CD6: variants seen among roughly 807,000 people sequenced by gnomAD.
CD6 encodes T-cell differentiation antigen CD6.
In CD6, 53 loss-of-function variants were observed where a neutral mutation model predicts 75.3. That is an observed-to-expected ratio of 0.70 (90% CI 0.56 to 0.88). The LOEUF (loss-of-function observed/expected upper bound fraction) is 0.88. Ranked by LOEUF, CD6 falls within the 40% of genes least tolerant of loss-of-function variation. The pLI is 0.00. For synonymous variants in CD6, 359 were observed against 381.5 expected, an observed-to-expected ratio of 0.94 and a Z score of 0.69; for missense variants, 770 against 897.1, an observed-to-expected ratio of 0.86 and a Z score of 1.81.
At chr11:60,997,069 G>C (rs779064487) in intron 1 of CD6, among the ~76,000 whole-genome samples, 1 of 152,076 alleles carries the variant, frequency 6.6e-6, no homozygotes, top group Non-Finnish European at 1.5e-5. Flanking sequence ...CAATATGTGA[G>C]TCACATTTAT....
chr11:60,988,758 G>A (rs1490079139), intron 1 of CD6, among the ~76,000 whole-genome samples: 1 of 152,192 alleles, frequency 6.6e-6, no homozygotes, highest in African/African-American at 2.4e-5. Context: ...TCACCCCTTG[G>A]AGCGGGGAGG....
chr11:61,007,447 A>AC lies in CD6; in HGVS notation c.119-109dup, dbSNP rs1858914799. ...CCATTTTGCAGACTGGAAAGCTGAG[A>AC]CCCCTAGCCAGGCAGGGCGTTGTCA... On this transcript the variant is annotated intron_variant, in intron 2 of 12. Transcript: ENST00000313421. This position sits in a 1 kb window ranked among gnomAD's most constrained non-coding sequence, Gnocchi z 4.2. 1.2e-6 allele frequency: 1 copy of AC among 822,150 alleles called. No homozygotes were observed. The highest frequency in any genetic ancestry group is 1.7e-6 in the Non-Finnish European group (1 of 578,134). The allele number at this position is 822,150 out of a possible 1,614,324, so 50.9% of individuals were successfully genotyped here.
intron 1 of CD6, among the ~76,000 whole-genome samples, chr11:60,996,667 C>T (rs773717364): frequency 2.1e-4 from 32 of 152,294 alleles, no homozygotes; most frequent in South Asian, 8.3e-4. Flanking sequence ...TCCCAAGGTT[C>T]GGGGACACTA....
chr11:61,011,204 T>TGTGTGTGTGTGTGTGTG, intron 6 of CD6, 69 bp downstream of exon 6: 1 of 1,306,912 alleles, frequency 7.7e-7, no homozygotes, highest in South Asian at 1.2e-5. Flanking sequence ...TGTGTGTGTG[T>TGTGTGTGTGTGTGTGTG]TCCTGTGCAC....
intron 1 of CD6, among the ~76,000 whole-genome samples, chr11:61,001,762 T>G (rs915405269): frequency 7.2e-5 from 11 of 152,208 alleles, no homozygotes; most frequent in Non-Finnish European, 1.6e-4. Flanking sequence ...CACGACCAGC[T>G]GCATAGTTTG....
intron 1 of CD6, among the ~76,000 whole-genome samples, chr11:60,976,272 T>C (rs1202571022): frequency 6.6e-6 from 1 of 152,226 alleles, no homozygotes; most frequent in African/African-American, 2.4e-5. Flanking sequence ...AATGTGGTGT[T>C]TGACTTTCTG....
At chr11:61,009,277 G>C (rs1319723731) in intron 4 of CD6, among the ~76,000 whole-genome samples, 2 of 152,126 alleles carry the variant, frequency 1.3e-5, no homozygotes, top group South Asian at 2.1e-4. Context: ...GGGGAGGTGG[G>C]GGTGTTAAAA....
chr11:61,002,705 AAG>A (rs1168025667), intron 1 of CD6, among the ~76,000 whole-genome samples: 2 of 152,234 alleles, frequency 1.3e-5, no homozygotes, highest in Non-Finnish European at 2.9e-5. Context: ...TTAAAACAAA[AAG>A]AAATTTATTT....
chr11:61,015,542 G>A (rs1859357781), intron 8 of CD6, 171 bp from the exon 9 acceptor site: 3 of 745,506 alleles, frequency 4.0e-6, no homozygotes, highest in Non-Finnish European at 4.4e-6. Context: ...CTGTACTCCA[G>A]CCTGGACAAC....
Position 61,008,756 on chromosome 11 carries a change from C to A in CD6, c.692C>A (p.Ser231Ter). ...ATCCACCGGGACCAGGTGAACTGCT[C>A]GGGGGCCGAAGCTTACCTGTGGGAC... ...GPIHRDQVNC[S>*]GAEAYLWDCP... Residue 231 changes from serine (S) to a stop codon, truncating the protein, a stop_gained, in exon 4 of 13, where the codon TCG becomes TAG. Coordinates refer to ENST00000313421, the MANE Select transcript of CD6 (RefSeq NM_006725.5). LOFTEE classifies it high-confidence loss of function. The A allele has an allele frequency of 6.2e-7, 1 of 1,605,012 alleles. No individual in the cohort carries two copies. The highest frequency in any genetic ancestry group is 8.5e-7 in the Non-Finnish European group (1 of 1,174,590).
Position 61,011,153 on chromosome 11 carries a change from C to T in CD6, c.1150+18C>T. On this transcript the variant is annotated intron_variant, in intron 6 of 12. Coordinates refer to ENST00000313421, the MANE Select transcript of CD6 (RefSeq NM_006725.5). ...CACTATAGGTAAGTGTTGCTGGGTACTACGCGGTTTCTCAGAAGCTTGGAC... is the reference window on the plus strand; with the variant it reads ...CACTATAGGTAAGTGTTGCTGGGTATTACGCGGTTTCTCAGAAGCTTGGAC... The T allele has an allele frequency of 6.4e-7, 1 of 1,568,284 alleles. No individual in the cohort carries two copies. Among genetic ancestry groups the T allele is most frequent in the Admixed American group, 1.7e-5 (1 of 57,864 alleles).
At chr11:61,013,694 G>T in intron 7 of CD6, 131 bp downstream of exon 7, 2 of 1,050,982 alleles carry the variant, frequency 1.9e-6, no homozygotes, top group South Asian at 3.0e-5. Context: ...AGGTGGAAAG[G>T]ATTTTCCCAG....
chr11:61,018,057 G>A, intron 11 of CD6, 44 bp downstream of exon 11: 1 of 1,594,764 alleles, frequency 6.3e-7, no homozygotes, highest in Non-Finnish European at 8.5e-7. Flanking sequence ...AGCCAGCCTG[G>A]CTGGAGGAGG....
At chr11:60,996,398 T>A (rs1187152457) in intron 1 of CD6, among the ~76,000 whole-genome samples, 3 of 151,772 alleles carry the variant, frequency 2.0e-5, no homozygotes, top group Non-Finnish European at 1.5e-5. Context: ...AAACTAGGAG[T>A]CCATCTGGCT....
chr11:61,007,511 C>T lies in CD6; in HGVS notation c.119-49C>T. The T allele has an allele frequency of 7.6e-7, 1 of 1,319,208 alleles. No homozygotes were observed. The highest frequency in any genetic ancestry group is 3.1e-5 in the East Asian group (1 of 32,086). 81.7% of individuals were successfully genotyped at this position (1,319,208 alleles called of 1,614,324 possible). On this transcript the variant is annotated intron_variant, in intron 2 of 12. Coordinates refer to ENST00000313421, the MANE Select transcript of CD6 (RefSeq NM_006725.5). This position sits in a 1 kb window ranked among gnomAD's most constrained non-coding sequence, Gnocchi z 4.2. ...GAGTCAGTGGCAGAGCCTGGGCAAC[C>T]CTCTGCCCAGGCCCCACCGGTCTCA...
intron 8 of CD6, among the ~76,000 whole-genome samples, chr11:61,014,971 A>C (rs1859334856): frequency 1.3e-5 from 2 of 152,116 alleles, no homozygotes; most frequent in Admixed American, 6.5e-5. Flanking sequence ...ATCTAGCATA[A>C]GGCTTAGCAT....
chr11:60,977,398 G>C (rs973828699), intron 1 of CD6, among the ~76,000 whole-genome samples: 1 of 152,094 alleles, frequency 6.6e-6, no homozygotes, highest in Non-Finnish European at 1.5e-5. Context: ...GCTCAGGCCT[G>C]CCCTGAGCAG....
chr11:60,976,466 C>T (rs772041996), intron 1 of CD6, among the ~76,000 whole-genome samples: 7 of 152,144 alleles, frequency 4.6e-5, no homozygotes, highest in African/African-American at 1.7e-4. Flanking sequence ...ATGCAACTCA[C>T]GGAGCTTGAC....
intron 1 of CD6, among the ~76,000 whole-genome samples, chr11:60,979,765 C>T (rs1857495361): frequency 6.6e-6 from 1 of 152,204 alleles, no homozygotes; most frequent in African/African-American, 2.4e-5. Flanking sequence ...AGCCACTGTG[C>T]CTGGCCTAGG....
Sources: gnomAD v4.1 joint callset for allele counts (sites outside exome capture counted in the v4.1 genomes callset) on GRCh38, gnomAD v4.1.1 for gene constraint, Gnocchi (gnomAD v3.1) non-coding constraint, MANE v1.5 for transcripts, NCBI Gene and HGNC (gene_info 2026-07-23, HGNC 2026-07-21) for gene names.